CES5A: variants seen among roughly 807,000 people sequenced by gnomAD.
CES5A encodes the protein carboxylesterase 5A.
In CES5A, 67 loss-of-function variants were observed where a neutral mutation model predicts 62.9. That is an observed-to-expected ratio of 1.07 (90% CI 0.88 to 1.31). The LOEUF is 1.31. CES5A is among the 50% of genes most tolerant of loss of function. The pLI is 0.00. For synonymous variants in CES5A, 296 were observed against 280.8 expected (o/e 1.05, Z -0.54); for missense variants, 748 against 708.5 (o/e 1.06, Z -0.63).
chr16:55,898,893 C>T (rs116300458), intron 1 of CES5A, among the ~76,000 whole-genome samples: 1,975 of 152,142 alleles, frequency 0.013, 47 homozygotes, highest in African/African-American at 0.045. Context: ...GGTTGGCAGC[C>T]AAATTGACTC....
chr16:55,941,769 C>T (rs1392190623), intron 2 of CES5A, among the ~76,000 whole-genome samples: 2 of 152,028 alleles, frequency 1.3e-5, no homozygotes, highest in African/African-American at 4.8e-5. Flanking sequence ...AAAGAACAGG[C>T]ACATAGATAG....
At chr16:55,922,940 C>T (rs1221961109) in intron 1 of CES5A, among the ~76,000 whole-genome samples, 1 of 150,800 alleles carries the variant, frequency 6.6e-6, no homozygotes, top group East Asian at 1.9e-4. Context: ...CCTGAATTAC[C>T]AATAGGTCAA....
intron 1 of CES5A, among the ~76,000 whole-genome samples, chr16:55,950,620 T>C (rs1774343945): frequency 6.8e-6 from 1 of 146,938 alleles, no homozygotes; most frequent in African/African-American, 2.5e-5. Context: ...AAATGGAAAA[T>C]AATTCCAACA....
intron 1 of CES5A, among the ~76,000 whole-genome samples, chr16:55,894,996 T>C (rs556084938): frequency 2.0e-5 from 3 of 152,324 alleles, no homozygotes; most frequent in Admixed American, 1.3e-4. Context: ...CCTGGGAATC[T>C]AGAAGACCAC....
upstream of CES5A, among the ~76,000 whole-genome samples, chr16:55,926,813 G>T (rs1003651678): frequency 3.9e-5 from 6 of 152,154 alleles, no homozygotes; most frequent in Non-Finnish European, 5.9e-5. Flanking sequence ...TCTGTGAGCA[G>T]CCCAAAAAAC....
chr16:55,895,802 C>A (rs546801318), intron 1 of CES5A, among the ~76,000 whole-genome samples: 1 of 152,104 alleles, frequency 6.6e-6, no homozygotes, highest in Admixed American at 6.5e-5. Context: ...TTGCTTCCAC[C>A]AAAACTCATG....
chr16:55,938,557 G>A (rs2034402390), intron 2 of CES5A, among the ~76,000 whole-genome samples: 1 of 151,008 alleles, frequency 6.6e-6, no homozygotes, highest in Non-Finnish European at 1.5e-5. Flanking sequence ...CTAACACAGT[G>A]AAACCCCGTC....
rs183590029 is a variant in CES5A, at chr16:55,923,694, C to G, written c.-256+1629G>C. Among the ~76,000 whole-genome samples, 28 of 151,860 alleles carry G rather than the reference C, an allele frequency of 1.8e-4. 1 individual carries two copies. Among genetic ancestry groups the G allele is most frequent in the African/African-American group, 6.3e-4 (26 of 41,502 alleles). On this transcript the variant is annotated intron_variant, in intron 1 of 12. Coordinates refer to the CES5A transcript ENST00000518005. Reference sequence around the variant, plus strand: ...GCCAGCATTATCCAGATATGAAAATCAAATACGGACACAATGAAAAAAGAA... The same window carrying G: ...GCCAGCATTATCCAGATATGAAAATGAAATACGGACACAATGAAAAAAGAA...
At position 55,846,179 on chromosome 16, in the gene CES5A, CAT is replaced by C; in HGVS notation, c.*270_*271del. ...CCTATTTTACATTCTGATTTTATTTCATATGAGTTACAAAACCATTATTATGA... is the reference window on the plus strand; with the variant it reads ...CCTATTTTACATTCTGATTTTATTTCATGAGTTACAAAACCATTATTATGA... On this transcript the variant is annotated 3_prime_UTR_variant, in exon 13 of 13. Coordinates refer to ENST00000290567, the MANE Select transcript of CES5A (RefSeq NM_001143685.2). 1 of 488,452 alleles carries C rather than the reference CAT, an allele frequency of 2.0e-6. No individual in the cohort carries two copies. The highest frequency in any genetic ancestry group is 3.7e-6 in the Non-Finnish European group (1 of 273,928). The allele number at this position is 488,452 out of a possible 1,614,324, so 30.3% of individuals were successfully genotyped here.
Position 55,873,927 on chromosome 16 carries a change from A to C in CES5A, c.184T>G (p.Phe62Val). 6.2e-7 allele frequency: 1 copy of C among 1,613,878 alleles called. No individual in the cohort carries two copies. Among genetic ancestry groups the C allele is most frequent in the Non-Finnish European group, 8.5e-7 (1 of 1,180,012 alleles). ...AGGGATCCCAGCGGGGGAGCAGCAAAGGGGACTCCGAGGAACACGTTCACA... is the reference window on the plus strand; with the variant it reads ...AGGGATCCCAGCGGGGGAGCAGCAACGGGGACTCCGAGGAACACGTTCACA... ...VPVNVFLGVP[F>V]AAPPLGSLRF... Residue 62 changes from phenylalanine to valine, a missense_variant, in exon 2 of 13, where the codon TTT (phenylalanine) becomes GTT (valine). Physicochemically the swap from Phe to Val is conservative, Grantham distance 50. Coordinates refer to ENST00000290567, the MANE Select transcript of CES5A (RefSeq NM_001143685.2).
intron 4 of CES5A, among the ~76,000 whole-genome samples, chr16:55,867,753 C>T (rs185773805): frequency 7.2e-5 from 11 of 152,348 alleles, no homozygotes; most frequent in Admixed American, 2.0e-4. Flanking sequence ...GGGCAAATCA[C>T]TTAACCTGCT....
At chr16:55,852,140 C>T (rs2033145435) in intron 10 of CES5A, among the ~76,000 whole-genome samples, 1 of 152,046 alleles carries the variant, frequency 6.6e-6, no homozygotes, top group Non-Finnish European at 1.5e-5. Flanking sequence ...GATGGTTGTA[C>T]AACAATATGA....
chr16:55,909,579 C>T (rs1194494614), intron 1 of CES5A, among the ~76,000 whole-genome samples: 2 of 151,924 alleles, frequency 1.3e-5, no homozygotes, highest in African/African-American at 4.8e-5. Flanking sequence ...TGCACACACA[C>T]ACACACACAC....
At chr16:55,891,023 A>G (rs1020170949) in intron 1 of CES5A, among the ~76,000 whole-genome samples, 6 of 151,798 alleles carry the variant, frequency 4.0e-5, no homozygotes, top group Admixed American at 3.9e-4. Context: ...ACCCTGACTC[A>G]TTCCGATTAT....
At chr16:55,917,212 G>T (rs2142455591) in intron 1 of CES5A, among the ~76,000 whole-genome samples, 1 of 152,252 alleles carries the variant, frequency 6.6e-6, no homozygotes, top group East Asian at 1.9e-4. Flanking sequence ...CTCCACCTTT[G>T]ACCTCTCCCT....
At chr16:55,930,518 C>T (rs1278644256) in intron 2 of CES5A, among the ~76,000 whole-genome samples, 1 of 152,188 alleles carries the variant, frequency 6.6e-6, no homozygotes, top group Non-Finnish European at 1.5e-5. Context: ...TTTTGCACCC[C>T]TTAGCCATGT....
Position 55,871,704 on chromosome 16 carries a change from G to T in CES5A, c.338C>A (p.Pro113Gln), listed in dbSNP as rs752977508. 1.2e-6 allele frequency: 2 copies of T among 1,614,082 alleles called. No homozygotes were observed. Among genetic ancestry groups the T allele is most frequent in the Non-Finnish European group, 1.7e-6 (2 of 1,180,006 alleles). Residue 113 changes from proline (P) to glutamine (Q), a missense_variant, in exon 3 of 13, where the codon CCG (proline) becomes CAG (glutamine). Coordinates refer to ENST00000290567, the MANE Select transcript of CES5A (RefSeq NM_001143685.2). ...GCAGTCTTCTGACACTCCGAATTTCGGGTAATGCACCTTGAGCATATGTTG... is the reference window on the plus strand; with the variant it reads ...GCAGTCTTCTGACACTCCGAATTTCTGGTAATGCACCTTGAGCATATGTTG... ...LDQHMLKVHY[P>Q]KFGVSEDCLY... is the part of the protein sequence containing the mutation.
chr16:55,889,748 C>T (rs1292848104), intron 1 of CES5A, among the ~76,000 whole-genome samples: 1 of 152,062 alleles, frequency 6.6e-6, no homozygotes, highest in Admixed American at 6.5e-5. Flanking sequence ...AATGTCTCTC[C>T]CTTACCCTCT....
chr16:55,951,815 T>C (rs1337131318), intron 1 of CES5A, among the ~76,000 whole-genome samples: 1 of 152,184 alleles, frequency 6.6e-6, no homozygotes, highest in Non-Finnish European at 1.5e-5. Flanking sequence ...CTGAAGGATA[T>C]ACACAGAGAA....
Sources: allele counts gnomAD v4.1 joint callset (sites outside exome capture counted in the v4.1 genomes callset), GRCh38; gene constraint gnomAD v4.1.1; transcripts MANE v1.5; gene names NCBI Gene and HGNC (gene_info 2026-07-23, HGNC 2026-07-21).